The following BIRC2 variants were observed in gnomAD, a reference collection of about 807,000 sequenced individuals.
The protein encoded by BIRC2 is baculoviral IAP repeat-containing protein 2.
BIRC2 carries 18 observed loss-of-function variants against 60.9 expected under a neutral mutation model. The observed-to-expected ratio is 0.30, with a 90% CI of 0.20 to 0.44. The LOEUF is 0.44. Among genes scored for constraint, BIRC2 ranks in the 20% least tolerant of loss-of-function variants. BIRC2 has a pLI of 1.00. For synonymous variants in BIRC2, 282 were observed against 247.7 expected (o/e 1.14, Z -1.30); for missense variants, 701 against 728.5 (o/e 0.96, Z 0.43).
chr11:102,368,619 A>G, intron 6 of BIRC2, 71 bp downstream of exon 6: 1 of 1,543,988 alleles, frequency 6.5e-7, no homozygotes, highest in Non-Finnish European at 8.7e-7. Flanking sequence ...ATGTTACAGG[A>G]CACCATGCTT....
intron 6 of BIRC2, among the ~76,000 whole-genome samples, chr11:102,376,670 G>A (rs758468363): frequency 2.4e-4 from 37 of 151,862 alleles, no homozygotes; most frequent in Non-Finnish European, 4.6e-4. Context: ...AAAAACATTG[G>A]CTTTTTAAAA....
chr11:102,364,835 T>C (rs888036797), intron 5 of BIRC2, among the ~76,000 whole-genome samples: 4 of 152,218 alleles, frequency 2.6e-5, no homozygotes, highest in Non-Finnish European at 5.9e-5. Flanking sequence ...ACATGACAAC[T>C]ATCTCCCGTG....
At chr11:102,364,154 TATATATATATATATATATATACACAC>T (rs1951519886) in intron 5 of BIRC2, among the ~76,000 whole-genome samples, 1 of 67,258 alleles carries the variant, frequency 1.5e-5, no homozygotes, top group African/African-American at 6.6e-5. Context: ...TATATATATA[TATATATATATATATATATATACACAC>T]ACACACAGAG....
At position 102,357,391 on chromosome 11, in the gene BIRC2, A is replaced by G. The variant is rs1229330058; in HGVS notation, c.996-5505A>G. On this transcript the variant is annotated intron_variant, in intron 3 of 8. Coordinates refer to ENST00000227758, the MANE Select transcript of BIRC2 (RefSeq NM_001166.5). ...CCTTTCTTCTTCTTTCTTCTTCTTG[A>G]TAGAACTGTGCTATGAGGTCATCTG... Among the ~76,000 whole-genome samples the G allele has an allele frequency of 2.7e-5, 4 of 146,006 alleles. No homozygotes were observed. The Admixed American group carries it at 2.8e-4, about 10-fold the overall frequency.
chr11:102,375,930 A>G (rs959315064), intron 6 of BIRC2, among the ~76,000 whole-genome samples: 6 of 152,108 alleles, frequency 3.9e-5, no homozygotes, highest in Non-Finnish European at 7.3e-5. Flanking sequence ...ATTGCAAATA[A>G]AACACTTTAA....
intron 3 of BIRC2, among the ~76,000 whole-genome samples, chr11:102,358,765 CCTAT>C (rs1951451996): frequency 6.6e-6 from 1 of 152,068 alleles, no homozygotes; most frequent in Non-Finnish European, 1.5e-5. Context: ...TAAAGTCTGC[CCTAT>C]CTGATAAAAC....
chr11:102,360,371 T>G (rs1951472517), intron 3 of BIRC2, among the ~76,000 whole-genome samples: 1 of 151,946 alleles, frequency 6.6e-6, no homozygotes, highest in Non-Finnish European at 1.5e-5. Flanking sequence ...TCTGACTAGA[T>G]AATTTCACAT....
At chr11:102,365,738 A>G (rs1422980141) in intron 5 of BIRC2, among the ~76,000 whole-genome samples, 1 of 142,800 alleles carries the variant, frequency 7.0e-6, no homozygotes, top group African/African-American at 2.7e-5. Context: ...CATCACATTC[A>G]GCTAAGTGTG....
chr11:102,377,830 A>G (rs554624645), intron 7 of BIRC2, 27 bp from the exon 8 acceptor site: 3 of 1,599,788 alleles, frequency 1.9e-6, no homozygotes, highest in African/African-American at 2.7e-5. Flanking sequence ...TTAGTAGAGT[A>G]ATGGTTTTTA....
intron 3 of BIRC2, among the ~76,000 whole-genome samples, chr11:102,353,106 A>G (rs1405393158): frequency 6.6e-6 from 1 of 152,210 alleles, no homozygotes; most frequent in Non-Finnish European, 1.5e-5. Context: ...GTTGGGCTCT[A>G]TGGGATTATA....
chr11:102,356,128 T>C (rs1027456696), intron 3 of BIRC2, among the ~76,000 whole-genome samples: 4 of 152,116 alleles, frequency 2.6e-5, no homozygotes, highest in African/African-American at 9.7e-5. Context: ...TCCAGTATTA[T>C]ATTGAATAGA....
At position 102,362,936 on chromosome 11, in the gene BIRC2, G is replaced by T; in HGVS notation, c.1036G>T (p.Asp346Tyr). 6.2e-7 allele frequency: 1 copy of T among 1,613,006 alleles called. No individual in the cohort carries two copies. The change falls in exon 4 of 9, where the codon GAT becomes TAT. Residue 346 changes from aspartate (D) to tyrosine (Y), a missense_variant. Asp to Tyr is a radical substitution (Grantham distance 160). This residue lies in a region of BIRC2 where 39 missense variants were observed against 69.8 expected (regional missense o/e 0.56). Coordinates refer to ENST00000227758, the MANE Select transcript of BIRC2 (RefSeq NM_001166.5). The stretch of plus-strand genomic sequence containing the variant: ...ACGAATGAAAGGCCAAGAGTTTGTT[G>T]ATGAGATTCAAGGTAGATATCCTCA... ...LIRMKGQEFV[D>Y]EIQGRYPHLL...
chr11:102,360,115 C>T (rs1951469222), intron 3 of BIRC2, among the ~76,000 whole-genome samples: 1 of 151,964 alleles, frequency 6.6e-6, no homozygotes, highest in South Asian at 2.1e-4. Flanking sequence ...TACAGGTGTG[C>T]ACCACCATGC....
rs548289442 is a variant in BIRC2 at position 102,349,306 on chromosome 11, G to A, written c.-549G>A. 6.6e-6 allele frequency: 1 copy of A among 152,460 alleles called. No individual in the cohort carries two copies. 9.4% of individuals were successfully genotyped at this position (152,460 alleles called of 1,614,324 possible). On this transcript the variant is annotated 5_prime_UTR_variant, in exon 2 of 9. An upstream start codon of the reference 5' UTR is lost. Transcript: ENST00000227758. ...TAGCTTTTAAATAGTGTGACCATAT[G>A]AAGGTTTTAATTACTTTTGTTTATT...
chr11:102,374,941 C>G (rs1323229886), intron 6 of BIRC2, among the ~76,000 whole-genome samples: 1 of 152,206 alleles, frequency 6.6e-6, no homozygotes, highest in Non-Finnish European at 1.5e-5. Context: ...CAGGTGCGTC[C>G]GTTACCCCTT....
rs539522659 is a variant in BIRC2 at position 102,373,219 on chromosome 11, G to A, written c.1367-4277G>A. Among the ~76,000 whole-genome samples the A allele has an allele frequency of 5.8e-3, 887 of 152,200 alleles. 2 individuals carry two copies. Among genetic ancestry groups the A allele is most frequent in the Non-Finnish European group, 9.9e-3 (674 of 68,012 alleles). On this transcript the variant is annotated intron_variant, in intron 6 of 8. Transcript: ENST00000227758. Reference sequence around the variant, plus strand: ...ATTTGATCCTGTCATTATGATGTTAGCTGGTGATTTTGCTCGTTAGTTGAT... The same window carrying A: ...ATTTGATCCTGTCATTATGATGTTAACTGGTGATTTTGCTCGTTAGTTGAT...
In BIRC2 at chr11:102,350,705, C is replaced by T; in HGVS notation, c.851C>T (p.Pro284Leu). ...TTTATGTACTGGCCATCTAGTGTTCCAGTTCAGCCTGAGCAGCTTGCAAGT... is the reference window on the plus strand; with the variant it reads ...TTTATGTACTGGCCATCTAGTGTTCTAGTTCAGCCTGAGCAGCTTGCAAGT... ...RTFMYWPSSV[P>L]VQPEQLASAG... Residue 284 changes from proline (P) to leucine (L), a missense_variant, in exon 2 of 9, where the codon CCA becomes CTA. This residue lies in a region of BIRC2 where 375 missense variants were observed against 365.9 expected (regional missense o/e 1.02). Coordinates refer to ENST00000227758, the MANE Select transcript of BIRC2 (RefSeq NM_001166.5). 2 of 1,611,576 alleles carry T rather than the reference C, an allele frequency of 1.2e-6. No homozygotes were observed. Among genetic ancestry groups the T allele is most frequent in the Non-Finnish European group, 1.7e-6 (2 of 1,178,738 alleles).
chr11:102,348,634 G>A lies in BIRC2; in HGVS notation c.-1221G>A. 3.5e-6 allele frequency: 1 copy of A among 281,958 alleles called. No individual in the cohort carries two copies. The highest frequency in any genetic ancestry group is 7.0e-6 in the Non-Finnish European group (1 of 143,024). 17.5% of individuals were successfully genotyped at this position (281,958 alleles called of 1,614,324 possible). A position where few individuals can be genotyped will look rare whatever the true frequency, so the allele number is the denominator to read the frequency against. On this transcript the variant is annotated 5_prime_UTR_variant, in exon 2 of 9. Coordinates refer to ENST00000227758, the MANE Select transcript of BIRC2 (RefSeq NM_001166.5). Reference sequence around the variant, plus strand: ...TGAAGAATCTCCCTATCCCTATTTTGTCCCCCTGCAGTAATAAATCCCATT... The same window carrying A: ...TGAAGAATCTCCCTATCCCTATTTTATCCCCCTGCAGTAATAAATCCCATT...
rs1364206865 is a variant in BIRC2, at chr11:102,350,024, C to G, written c.170C>G (p.Pro57Arg). ...AGAATGTCTACATATTCAACTTTCC[C>G]CGCCGGGGTGCCTGTCTCAGAAAGG... is the stretch of plus-strand genomic sequence containing the variant. ...LYRMSTYSTF[P>R]AGVPVSERSL... The change falls in exon 2 of 9, where the codon CCC becomes CGC. Residue 57 changes from proline to arginine, a missense_variant. Transcript: ENST00000227758. 3.7e-6 allele frequency: 6 copies of G among 1,614,196 alleles called. No homozygotes were observed. Among genetic ancestry groups the G allele is most frequent in the Non-Finnish European group, 5.1e-6 (6 of 1,180,036 alleles).
Sources: gnomAD v4.1 joint callset for allele counts (sites outside exome capture counted in the v4.1 genomes callset) on GRCh38, gnomAD v4.1.1 for gene constraint, gnomAD v4.1.1 regional missense constraint, MANE v1.5 for transcripts, NCBI Gene and HGNC (gene_info 2026-07-23, HGNC 2026-07-21) for gene names.